PGR: variants seen among roughly 807,000 people sequenced by gnomAD.
The protein encoded by PGR is progesterone receptor.
In PGR, 25 loss-of-function variants were observed where a neutral mutation model predicts 76.1. The observed-to-expected ratio is 0.33, with a 90% CI of 0.24 to 0.46. The LOEUF (loss-of-function observed/expected upper bound fraction) is 0.46. Ranked by LOEUF, PGR falls within the 20% of genes least tolerant of loss-of-function variation. The probability of loss-of-function intolerance (pLI) is 1.00; values close to 1 mark genes in which losing one functional copy is unlikely to be tolerated. For synonymous variants in PGR, 579 were observed against 535.0 expected (o/e 1.08, Z -1.14); for missense variants, 1,172 against 1,225.3 (o/e 0.96, Z 0.65).
intron 3 of PGR, among the ~76,000 whole-genome samples, chr11:101,081,388 C>G (rs986711478): frequency 6.6e-6 from 1 of 151,438 alleles, no homozygotes; most frequent in Non-Finnish European, 1.5e-5. Context: ...AAGATCTCAC[C>G]ACTGCACTCC....
In PGR at chr11:101,128,952, T is replaced by C; in HGVS notation, c.119A>G (p.Gln40Arg). 1 of 1,609,312 alleles carries C rather than the reference T, an allele frequency of 6.2e-7. No homozygotes were observed. Residue 40 changes from glutamine to arginine, a missense_variant, in exon 1 of 8, where the codon CAG becomes CGG. By Grantham distance (43) the Gln-to-Arg change is conservative. This residue lies in a region of PGR where 893 missense variants were observed against 785.9 expected (regional missense o/e 1.14). Transcript: ENST00000325455. ...AACTTCAGGCAAGGTGTCCGAGGTC[T>C]GGCTCCCCGGGAACGGACCTGCGGC... The part of the protein sequence containing the change: ...RPAAGPFPGS[Q>R]TSDTLPEVSA...
intron 7 of PGR, among the ~76,000 whole-genome samples, chr11:101,039,874 G>C (rs1017830816): frequency 2.6e-5 from 4 of 151,964 alleles, no homozygotes; most frequent in South Asian, 2.1e-4. Context: ...TCAACTTTTT[G>C]TAGCCTGTGT....
intron 7 of PGR, 96 bp downstream of exon 7, chr11:101,041,849 G>GA (rs1859703950): frequency 1.8e-6 from 2 of 1,109,950 alleles, no homozygotes; most frequent in South Asian, 1.3e-5. Flanking sequence ...ATTAATCTGA[G>GA]AAAATCATAC....
At position 101,128,241 on chromosome 11, in the gene PGR, G is replaced by T. The variant is rs776880789; in HGVS notation, c.830C>A (p.Ala277Glu). The change falls in exon 1 of 8, where the codon GCG (alanine) becomes GAG (glutamate). Residue 277 changes from alanine (A) to glutamate (E), a missense_variant. Transcript: ENST00000325455. Reference sequence around the variant, plus strand: ...CTGCTCCACCAGGGCGACCCTGGGCGCTGAGAAGCGGGAATCTTCCTTGGG... The same window carrying T: ...CTGCTCCACCAGGGCGACCCTGGGCTCTGAGAAGCGGGAATCTTCCTTGGG... Reference protein sequence around the residue: ...LVPKEDSRFSAPRVALVEQDA... With the variant: ...LVPKEDSRFSEPRVALVEQDA... 1.9e-6 allele frequency: 3 copies of T among 1,595,862 alleles called. No individual in the cohort carries two copies. Among genetic ancestry groups the T allele is most frequent in the African/African-American group, 1.3e-5 (1 of 74,866 alleles).
chr11:101,050,914 G>C (rs1860064207), intron 5 of PGR: 1 of 236,130 alleles, frequency 4.2e-6, no homozygotes, highest in African/African-American at 2.4e-5. Flanking sequence ...ATACTTCTAA[G>C]TCAGCATTTA....
Position 101,091,856 on chromosome 11 carries a change from C to A in PGR, c.1810G>T (p.Ala604Ser). 6.2e-7 allele frequency: 1 copy of A among 1,602,550 alleles called. No individual in the cohort carries two copies. The stretch of plus-strand genomic sequence containing the variant: ...TCAACGATGCAGTCATTTCTTCCAG[C>A]ACATAAGTAGTTGTGCTGCCCTAAA... Reference protein sequence around the residue: ...AMEGQHNYLCAGRNDCIVDKI... With the variant: ...AMEGQHNYLCSGRNDCIVDKI... The change falls in exon 3 of 8, where the codon GCT (alanine) becomes TCT (serine). Residue 604 changes from alanine (A) to serine (S), a missense_variant. Coordinates refer to ENST00000325455, the MANE Select transcript of PGR (RefSeq NM_000926.4).
chr11:101,067,390 T>C (rs1219284281), intron 3 of PGR, among the ~76,000 whole-genome samples: 1 of 152,112 alleles, frequency 6.6e-6, no homozygotes, highest in African/African-American at 2.4e-5. Flanking sequence ...TACAACAATA[T>C]GACTGACCTC....
chr11:101,054,380 C>T (rs1860215066), intron 4 of PGR, among the ~76,000 whole-genome samples: 1 of 152,052 alleles, frequency 6.6e-6, no homozygotes, highest in African/African-American at 2.4e-5. Flanking sequence ...TTGCATATGA[C>T]TTGAACGTGT....
chr11:101,118,771 T>C (rs529328344), intron 2 of PGR, among the ~76,000 whole-genome samples: 1 of 152,324 alleles, frequency 6.6e-6, no homozygotes, highest in South Asian at 2.1e-4. Context: ...GAAGTATGCA[T>C]TATATAGTTA....
At position 101,129,511 on chromosome 11, in the gene PGR, C is replaced by G. The variant is rs182404513; in HGVS notation, c.-441G>C. The G allele has an allele frequency of 7.5e-5, 16 of 214,132 alleles. No homozygotes were observed. Among genetic ancestry groups the G allele is most frequent in the Non-Finnish European group, 1.2e-4 (13 of 106,176 alleles). The allele number at this position is 214,132 out of a possible 1,614,324, so 13.3% of individuals were successfully genotyped here. A position where few individuals can be genotyped will look rare whatever the true frequency, so the allele number is the denominator to read the frequency against. On this transcript the variant is annotated 5_prime_UTR_variant, in exon 1 of 8. Transcript: ENST00000325455. ...TATCTCCCGACTTTTTCTCTGGCATCAAACTCGTGCATGCTGTGAAGCTCT... is the reference window on the plus strand; with the variant it reads ...TATCTCCCGACTTTTTCTCTGGCATGAAACTCGTGCATGCTGTGAAGCTCT...
intron 2 of PGR, among the ~76,000 whole-genome samples, chr11:101,114,202 A>G (rs887748060): frequency 9.9e-5 from 15 of 152,104 alleles, no homozygotes; most frequent in Non-Finnish European, 2.1e-4. Flanking sequence ...TACTTCCACA[A>G]TTCTCAGCTC....
At chr11:101,056,550 C>T (rs145630713) in intron 4 of PGR, among the ~76,000 whole-genome samples, 86 of 148,222 alleles carry the variant, frequency 5.8e-4, no homozygotes, top group Middle Eastern at 3.6e-3. Context: ...TGAAGCAGGA[C>T]GATGGCTTGA....
chr11:101,097,692 C>T lies in PGR; in HGVS notation c.1790-5816G>A, dbSNP rs145659690. ...TTTTAACTTTTTTTCTTACAGAATG[C>T]TTTTTATTCAGTAATTTCTCACCTT... On this transcript the variant is annotated intron_variant, in intron 2 of 7. Coordinates refer to ENST00000325455, the MANE Select transcript of PGR (RefSeq NM_000926.4). Among the ~76,000 whole-genome samples, 127 of 151,352 alleles carry T rather than the reference C, an allele frequency of 8.4e-4. 1 individual carries two copies. Among genetic ancestry groups the T allele is most frequent in the Middle Eastern group, 3.5e-3 (1 of 284 alleles).
intron 4 of PGR, among the ~76,000 whole-genome samples, chr11:101,059,960 G>C (rs901192281): frequency 1.3e-5 from 2 of 151,640 alleles, no homozygotes; most frequent in Admixed American, 6.6e-5. Context: ...GAAGAGTGTA[G>C]ACAAAGAAGA....
intron 3 of PGR, among the ~76,000 whole-genome samples, chr11:101,076,696 A>G (rs1861139014): frequency 6.6e-6 from 1 of 151,780 alleles, no homozygotes; most frequent in South Asian, 2.1e-4. Context: ...AAGCTTAAAT[A>G]TAACCTAAAA....
intron 2 of PGR, among the ~76,000 whole-genome samples, chr11:101,104,963 A>ATGGAAGC (rs11571164): frequency 1.1e-4 from 17 of 152,304 alleles, no homozygotes; most frequent in South Asian, 6.2e-4. Flanking sequence ...CAGGATACTC[A>ATGGAAGC]TGGAAGCTGG....
chr11:101,041,832 T>G (rs1173498544), intron 7 of PGR, 113 bp downstream of exon 7: 11 of 937,158 alleles, frequency 1.2e-5, no homozygotes, highest in Non-Finnish European at 1.8e-5. Flanking sequence ...ACTTTTAACA[T>G]ACAAGTATTA....
intron 2 of PGR, 106 bp downstream of exon 2, chr11:101,125,901 T>C: frequency 1.1e-6 from 1 of 946,174 alleles, no homozygotes; most frequent in Non-Finnish European, 1.6e-6. Flanking sequence ...TATGGAAATA[T>C]CACCATTTCT....
At chr11:101,075,268 T>A (rs946814398) in intron 3 of PGR, among the ~76,000 whole-genome samples, 1 of 152,176 alleles carries the variant, frequency 6.6e-6, no homozygotes, top group Admixed American at 6.5e-5. Flanking sequence ...GCTAGCCATA[T>A]ACAGAAAATT....
Sources: gnomAD v4.1 joint callset for allele counts (sites outside exome capture counted in the v4.1 genomes callset) on GRCh38, gnomAD v4.1.1 for gene constraint, gnomAD v4.1.1 regional missense constraint, MANE v1.5 for transcripts, NCBI Gene and HGNC (gene_info 2026-07-23, HGNC 2026-07-21) for gene names.